The following LRMDA variants were observed in gnomAD, a reference collection of about 807,000 sequenced individuals.
LRMDA encodes leucine-rich melanocyte differentiation-associated protein.
Under a neutral mutation model 29.8 loss-of-function variants are expected in LRMDA, and 18 were observed. That is an observed-to-expected ratio of 0.60 (90% CI 0.42 to 0.90). The LOEUF (loss-of-function observed/expected upper bound fraction) is 0.90, where lower values mean the gene tolerates loss of function less well. Ranked by LOEUF, LRMDA falls within the 40% of genes least tolerant of loss-of-function variation. The probability of loss-of-function intolerance (pLI) is 0.00; values close to 1 mark genes in which losing one functional copy is unlikely to be tolerated. For missense variants in LRMDA, 273 were observed against 273.9 expected, an observed-to-expected ratio of 1.00 and a Z score of 0.02; for synonymous variants, 125 against 109.4, an observed-to-expected ratio of 1.14 and a Z score of -0.89.
chr10:76,467,008 T>C (rs1842571172), intron 6 of LRMDA, among the ~76,000 whole-genome samples: 1 of 152,192 alleles, frequency 6.6e-6, no homozygotes, highest in Non-Finnish European at 1.5e-5. Flanking sequence ...TTCCTATTCT[T>C]AGCCATTCGG....
chr10:76,170,842 A>G (rs1898092), intron 5 of LRMDA, among the ~76,000 whole-genome samples: 29,243 of 152,194 alleles, frequency 0.19, 3,270 homozygotes, highest in East Asian at 0.52. Context: ...GTTAGAGAGG[A>G]GGAAAATAAA....
chr10:75,931,089 C>G (rs1037971034), intron 2 of LRMDA, among the ~76,000 whole-genome samples: 2 of 152,154 alleles, frequency 1.3e-5, no homozygotes, highest in Admixed American at 6.5e-5. Context: ...ATCTAGTTCC[C>G]GCTACTGCAT....
intron 6 of LRMDA, among the ~76,000 whole-genome samples, chr10:76,394,437 A>T (rs1841759196): frequency 6.6e-6 from 1 of 152,156 alleles, no homozygotes; most frequent in South Asian, 2.1e-4. Flanking sequence ...TACTCTACAA[A>T]GATGAAAATT....
At chr10:75,706,357 C>T (rs547466656) in intron 2 of LRMDA, among the ~76,000 whole-genome samples, 1 of 152,128 alleles carries the variant, frequency 6.6e-6, no homozygotes, top group South Asian at 2.1e-4. Context: ...AAATATTGGG[C>T]TGATGAGACA....
At chr10:75,830,414 C>T (rs1159466725) in intron 2 of LRMDA, among the ~76,000 whole-genome samples, 7 of 152,134 alleles carry the variant, frequency 4.6e-5, no homozygotes, top group Admixed American at 3.9e-4. Flanking sequence ...AAAGACATAC[C>T]TGAGACTGGG....
chr10:76,555,766 C>CAAAAAAAAAAAA, intron 6 of LRMDA, among the ~76,000 whole-genome samples: 1 of 124,832 alleles, frequency 8.0e-6, no homozygotes, highest in East Asian at 2.4e-4. Context: ...ACAAATTAAC[C>CAAAAAAAAAAAA]AAAAAAAAAA....
In LRMDA at chr10:75,992,333, A is replaced by G. The variant is rs79960436; in HGVS notation, c.132-43675A>G. The stretch of plus-strand genomic sequence containing the variant: ...GATGTACATGTAAAGTAGCAAAGGA[A>G]GCTGGGGTCAGTGGGTGGTCGATGC... On this transcript the variant is annotated intron_variant, in intron 2 of 6. Coordinates refer to ENST00000611255, the MANE Select transcript of LRMDA (RefSeq NM_001305581.2). 3.9e-5 allele frequency among the ~76,000 whole-genome samples: 6 copies of G among 152,276 alleles called. No individual in the cohort carries two copies. In the East Asian group the frequency reaches 1.2e-3, roughly 29 times the overall value.
chr10:76,509,628 C>T (rs1165144021), intron 6 of LRMDA, among the ~76,000 whole-genome samples: 1 of 152,190 alleles, frequency 6.6e-6, no homozygotes, highest in Non-Finnish European at 1.5e-5. Context: ...TCAGTTTGTT[C>T]TTCCCCTGCT....
chr10:76,304,466 G>A (rs1368029066), intron 5 of LRMDA, among the ~76,000 whole-genome samples: 1 of 152,158 alleles, frequency 6.6e-6, no homozygotes, highest in African/African-American at 2.4e-5. Flanking sequence ...CTAGAAAGGG[G>A]TGTCCACATG....
chr10:76,071,591 G>A (rs1848877153), intron 5 of LRMDA, among the ~76,000 whole-genome samples: 1 of 152,206 alleles, frequency 6.6e-6, no homozygotes, highest in South Asian at 2.1e-4. Flanking sequence ...GGGCGAGTAA[G>A]CGGAATAAAG....
At chr10:76,158,120 A>G (rs1392082397) in intron 5 of LRMDA, among the ~76,000 whole-genome samples, 11 of 152,106 alleles carry the variant, frequency 7.2e-5, no homozygotes, top group East Asian at 3.9e-4. Context: ...CTTTTCTATG[A>G]TGGCCTCAGA....
intron 6 of LRMDA, among the ~76,000 whole-genome samples, chr10:76,372,940 A>AT (rs919697039): frequency 7.9e-5 from 12 of 152,018 alleles, no homozygotes; most frequent in East Asian, 3.9e-4. Flanking sequence ...AAAGGGTTCC[A>AT]TTTTTTTTAA....
intron 2 of LRMDA, among the ~76,000 whole-genome samples, chr10:75,578,327 G>A (rs1398362828): frequency 6.6e-6 from 1 of 150,386 alleles, no homozygotes; most frequent in African/African-American, 2.4e-5. Flanking sequence ...TAATGCTAAA[G>A]GGATCAATGC....
chr10:75,750,923 G>GC (rs1842958775), intron 2 of LRMDA, among the ~76,000 whole-genome samples: 1 of 152,174 alleles, frequency 6.6e-6, no homozygotes, highest in Admixed American at 6.5e-5. Flanking sequence ...TGGCGGCCGG[G>GC]CAGAGGCTGC....
chr10:76,014,125 ATTATATATATATATATAT>A (rs1361670235), intron 2 of LRMDA, among the ~76,000 whole-genome samples: 4 of 125,698 alleles, frequency 3.2e-5, no homozygotes, highest in African/African-American at 1.2e-4. Flanking sequence ...TATATATATA[ATTATATATATATATATAT>A]AATTATATAT....
intron 5 of LRMDA, among the ~76,000 whole-genome samples, chr10:76,228,036 T>G (rs956434728): frequency 3.2e-4 from 49 of 152,074 alleles, no homozygotes; most frequent in African/African-American, 1.2e-3. Flanking sequence ...TTTTTTTTTT[T>G]TTTTTAGACA....
intron 2 of LRMDA, among the ~76,000 whole-genome samples, chr10:75,722,102 C>T (rs546316641): frequency 4.6e-5 from 7 of 152,148 alleles, no homozygotes; most frequent in African/African-American, 1.4e-4. Context: ...AGATTTTAGT[C>T]GGGGAGAGGC....
rs75852090 is a variant in LRMDA at position 76,557,218 on chromosome 10, G to T, written c.611G>T (p.Gly204Val). 1 of 1,613,930 alleles carries T rather than the reference G, an allele frequency of 6.2e-7. No individual in the cohort carries two copies. Among genetic ancestry groups the T allele is most frequent in the East Asian group, 2.2e-5 (1 of 44,872 alleles). ...GTCTTTTTATTTGCAGGTGTCCTGG[G>T]GAAGTGTCGCTACGTTTACTATGGG... ...RELTSHQGVL[G>V]KCRYVYYGKN... The change falls in exon 7 of 7, where the codon GGG becomes GTG. Residue 204 changes from glycine to valine, a missense_variant. By Grantham distance (109) the Gly-to-Val change is moderately radical (BLOSUM62 -3). Coordinates refer to ENST00000611255, the MANE Select transcript of LRMDA (RefSeq NM_001305581.2).
chr10:76,077,608 G>A (rs745486712), intron 5 of LRMDA, among the ~76,000 whole-genome samples: 1 of 152,140 alleles, frequency 6.6e-6, no homozygotes, highest in Non-Finnish European at 1.5e-5. Flanking sequence ...TTTCTGGGAG[G>A]TCACCATTTA....
Sources: gnomAD v4.1 joint callset for allele counts (sites outside exome capture counted in the v4.1 genomes callset) on GRCh38, gnomAD v4.1.1 for gene constraint, MANE v1.5 for transcripts, NCBI Gene and HGNC (gene_info 2026-07-23, HGNC 2026-07-21) for gene names.